NCDN: variants seen among roughly 807,000 people sequenced by gnomAD.
NCDN encodes neurochondrin.
NCDN carries 9 observed loss-of-function variants against 60.7 expected under a neutral mutation model. The observed-to-expected ratio is 0.15, with a 90% confidence interval of 0.09 to 0.26. NCDN has a LOEUF of 0.26. Among genes scored for constraint, NCDN ranks in the 10% least tolerant of loss-of-function variants. NCDN has a pLI of 1.00. For synonymous variants in NCDN, 409 were observed against 442.5 expected (o/e 0.92, Z 0.95); for missense variants, 578 against 975.2 (o/e 0.59, Z 5.42).
chr1:35,558,630 T>TG lies in NCDN; in HGVS notation c.33+411dup. ...TGAAGAAGGGAGGGGAAAGGAAGCC[T>TG]GGGGTGTCCTTTTCTCCCATGTCAG... On this transcript the variant is annotated intron_variant, in intron 1 of 6. Coordinates refer to ENST00000373243, the MANE Select transcript of NCDN (RefSeq NM_014284.3). The surrounding 1 kb of genome is among the most constrained non-coding windows in gnomAD (Gnocchi z 6.3). 4 of 1,160,214 alleles carry TG rather than the reference T, an allele frequency of 3.4e-6. No homozygotes were observed. Among genetic ancestry groups the TG allele is most frequent in the Non-Finnish European group, 4.3e-6 (4 of 936,904 alleles). 71.9% of individuals were successfully genotyped at this position (1,160,214 alleles called of 1,614,324 possible). A position where few individuals can be genotyped will look rare whatever the true frequency, so the allele number is the denominator to read the frequency against.
rs1648842071 is a variant in NCDN at position 35,565,497 on chromosome 1, G to C, written c.2024G>C (p.Ser675Thr). 1.3e-6 allele frequency: 2 copies of C among 1,590,364 alleles called. No individual in the cohort carries two copies. The highest frequency in any genetic ancestry group is 2.7e-5 in the African/African-American group (2 of 74,454). ...CTGCTCCAGCTGCTAGGCAGTGTCA[G>C]CCCCAACTCTGTCAAGCCCGAGATG... ...QELLQLLGSV[S>T]PNSVKPEMVA... is the part of the protein sequence containing the mutation. The change falls in exon 7 of 7, where the codon AGC (serine) becomes ACC (threonine). Residue 675 changes from serine (S) to threonine (T), a missense_variant. By Grantham distance (58) the Ser-to-Thr change is moderately conservative (BLOSUM62 1). Transcript: ENST00000373243. This position sits in a 1 kb window ranked among gnomAD's most constrained non-coding sequence, Gnocchi z 8.9.
chr1:35,565,050 GAA>G lies in NCDN; in HGVS notation c.1754-174_1754-173del. ...TTTTACAAGTAAAGAAACAGACCCA[GAA>G]AAGTTAATTACCCAAGGTCACACAG... is the stretch of plus-strand genomic sequence containing the variant. On this transcript the variant is annotated intron_variant, in intron 6 of 6. Coordinates refer to ENST00000373243, the MANE Select transcript of NCDN (RefSeq NM_014284.3). The surrounding 1 kb of genome is among the most constrained non-coding windows in gnomAD (Gnocchi z 8.9). 1 of 604,664 alleles carries G rather than the reference GAA, an allele frequency of 1.7e-6. No homozygotes were observed. The highest frequency in any genetic ancestry group is 2.2e-5 in the South Asian group (1 of 44,502). The allele number at this position is 604,664 out of a possible 1,614,324, so 37.5% of individuals were successfully genotyped here. A position where few individuals can be genotyped will look rare whatever the true frequency, so the allele number is the denominator to read the frequency against.
In NCDN at chr1:35,561,128, G is replaced by T; in HGVS notation, c.977G>T (p.Gly326Val). The part of the protein sequence containing the change: ...VEVRLALEET[G>V]TEVKEDVVTA... ...GTGCGGCTGGCACTGGAGGAGACGGGCACGGAGGTGAAAGAGGATGTGGTG... is the reference window on the plus strand; with the variant it reads ...GTGCGGCTGGCACTGGAGGAGACGGTCACGGAGGTGAAAGAGGATGTGGTG... The change falls in exon 3 of 7, where the codon GGC becomes GTC. Residue 326 changes from glycine (G) to valine (V), a missense_variant. This residue lies in a region of NCDN where 363 missense variants were observed against 583.6 expected (regional missense o/e 0.62). Transcript: ENST00000373243. The surrounding 1 kb of genome is among the most constrained non-coding windows in gnomAD (Gnocchi z 4.9). The T allele has an allele frequency of 2.5e-6, 4 of 1,612,562 alleles. No individual in the cohort carries two copies. In the South Asian group the frequency reaches 4.4e-5, roughly 18 times the overall value.
rs558835274 is a variant in NCDN at position 35,558,746 on chromosome 1, G to T, written c.34-361G>T. ...TCACTCCCTCTGTGTCCCTGTGGAG[G>T]GAGATAAAACCCAGCCTCCGGTGCC... On this transcript the variant is annotated intron_variant, in intron 1 of 6. Transcript: ENST00000373243. The surrounding 1 kb of genome is among the most constrained non-coding windows in gnomAD (Gnocchi z 6.3). The T allele has an allele frequency of 8.7e-7, 1 of 1,152,942 alleles. No homozygotes were observed. Among genetic ancestry groups the T allele is most frequent in the African/African-American group, 1.6e-5 (1 of 64,358 alleles). The allele number at this position is 1,152,942 out of a possible 1,614,324, so 71.4% of individuals were successfully genotyped here. A position where few individuals can be genotyped will look rare whatever the true frequency, so the allele number is the denominator to read the frequency against.
rs965970284 is a variant in NCDN, at chr1:35,560,403, C to T, written c.252C>T (p.Phe84=). 4.3e-6 allele frequency: 7 copies of T among 1,614,016 alleles called. No homozygotes were observed. Among genetic ancestry groups the T allele is most frequent in the Admixed American group, 1.7e-5 (1 of 60,032 alleles). The change falls in exon 3 of 7, where the codon TTC becomes TTT. Residue 84 remains phenylalanine (F), a synonymous_variant. Coordinates refer to ENST00000373243, the MANE Select transcript of NCDN (RefSeq NM_014284.3). This position sits in a 1 kb window ranked among gnomAD's most constrained non-coding sequence, Gnocchi z 7.6. ...RRIFDAVGFT[F]PNRLLTTKEA... Reference sequence around the variant, plus strand: ...TCTTCGATGCTGTCGGCTTCACCTTCCCCAATCGTCTCCTGACCACCAAGG... The same window carrying T: ...TCTTCGATGCTGTCGGCTTCACCTTTCCCAATCGTCTCCTGACCACCAAGG...
rs759244376 is a variant in NCDN at position 35,565,849 on chromosome 1, C to T, written c.*186C>T. On this transcript the variant is annotated 3_prime_UTR_variant, in exon 7 of 7. Coordinates refer to ENST00000373243, the MANE Select transcript of NCDN (RefSeq NM_014284.3). This position sits in a 1 kb window ranked among gnomAD's most constrained non-coding sequence, Gnocchi z 8.9. ...CTCAAGTGTAAGGAACTGCGTTCCG[C>T]CCCTCAGGCCCCCATGGGGGCAGGG... 2.6e-4 allele frequency: 165 copies of T among 638,916 alleles called. No individual in the cohort carries two copies. Among genetic ancestry groups the T allele is most frequent in the Middle Eastern group, 8.5e-4 (2 of 2,352 alleles). The allele number at this position is 638,916 out of a possible 1,614,324, so 39.6% of individuals were successfully genotyped here.
chr1:35,563,702 C>T lies in NCDN; in HGVS notation c.1611-65C>T. The T allele has an allele frequency of 3.8e-6, 6 of 1,578,954 alleles. No homozygotes were observed. The highest frequency in any genetic ancestry group is 2.3e-5 in the South Asian group (2 of 86,322). ...ATCACCCTACTGCCTAATTTCTTGC[C>T]AAGGGCTTGATTTGGCTGTACTAGA... On this transcript the variant is annotated intron_variant, in intron 5 of 6. Coordinates refer to ENST00000373243, the MANE Select transcript of NCDN (RefSeq NM_014284.3). This position sits in a 1 kb window ranked among gnomAD's most constrained non-coding sequence, Gnocchi z 6.6.
chr1:35,562,655 G>A lies in NCDN; in HGVS notation c.1385+22G>A. 1 of 1,601,336 alleles carries A rather than the reference G, an allele frequency of 6.2e-7. No individual in the cohort carries two copies. Among genetic ancestry groups the A allele is most frequent in the Non-Finnish European group, 8.5e-7 (1 of 1,171,982 alleles). On this transcript the variant is annotated intron_variant, in intron 4 of 6. Coordinates refer to ENST00000373243, the MANE Select transcript of NCDN (RefSeq NM_014284.3). This position sits in a 1 kb window ranked among gnomAD's most constrained non-coding sequence, Gnocchi z 6.8. ...TCCGGTGAGTCTGTAGTTACAGTCTGTCCAGCTAGATCATTCTACCGAAAA... is the reference window on the plus strand; with the variant it reads ...TCCGGTGAGTCTGTAGTTACAGTCTATCCAGCTAGATCATTCTACCGAAAA...
rs772018198 is a variant in NCDN at position 35,560,648 on chromosome 1, C to G, written c.497C>G (p.Pro166Arg). 6.2e-7 allele frequency: 1 copy of G among 1,613,504 alleles called. No individual in the cohort carries two copies. The highest frequency in any genetic ancestry group is 1.1e-5 in the South Asian group (1 of 91,084). The change falls in exon 3 of 7, where the codon CCC (proline) becomes CGC (arginine). Residue 166 changes from proline (P) to arginine (R), a missense_variant. Physicochemically the swap from Pro to Arg is moderately radical, Grantham distance 103. Coordinates refer to ENST00000373243, the MANE Select transcript of NCDN (RefSeq NM_014284.3). This position sits in a 1 kb window ranked among gnomAD's most constrained non-coding sequence, Gnocchi z 7.6. The stretch of plus-strand genomic sequence containing the variant: ...TGCCTGACGGCTGTAGCAGGCACAC[C>G]CAGAGGGCCTCGGCACCTCATTGCT... ...YQCLTAVAGT[P>R]RGPRHLIAGG...
intron 2 of NCDN, among the ~76,000 whole-genome samples, chr1:35,559,667 C>T (rs975865903): frequency 2.7e-5 from 4 of 148,992 alleles, no homozygotes; most frequent in African/African-American, 1.0e-4. Context: ...GGAATGGGAG[C>T]TAGTTTGGGG....
At position 35,565,198 on chromosome 1, in the gene NCDN, C is replaced by A; in HGVS notation, c.1754-29C>A. 1 of 1,574,846 alleles carries A rather than the reference C, an allele frequency of 6.3e-7. No homozygotes were observed. The highest frequency in any genetic ancestry group is 1.2e-5 in the South Asian group (1 of 85,164). ...GACACAGCAGCTGGCCTGTCCGATT[C>A]ATGCCCCACTCCTTCCGTTACCTTG... On this transcript the variant is annotated intron_variant, in intron 6 of 6. Transcript: ENST00000373243. The surrounding 1 kb of genome is among the most constrained non-coding windows in gnomAD (Gnocchi z 8.9).
chr1:35,559,760 T>C (rs1230391368), intron 2 of NCDN, among the ~76,000 whole-genome samples: 1 of 49,860 alleles, frequency 2.0e-5, no homozygotes, highest in Non-Finnish European at 4.1e-5. Flanking sequence ...GTGTGGGGGG[T>C]GAAGGGAGGA....
At position 35,565,651 on chromosome 1, in the gene NCDN, G is replaced by T. The variant is rs373685086; in HGVS notation, c.2178G>T (p.Leu726=). Residue 726 remains leucine, a synonymous_variant, in exon 7 of 7, where the codon CTG becomes CTT. Coordinates refer to ENST00000373243, the MANE Select transcript of NCDN (RefSeq NM_014284.3). This position sits in a 1 kb window ranked among gnomAD's most constrained non-coding sequence, Gnocchi z 8.9. ...GCATGGCTGCCTTGGAGCAGTGCCTGTCAGAGCCCTGAGGGGTGTCCACCG... is the reference window on the plus strand; with the variant it reads ...GCATGGCTGCCTTGGAGCAGTGCCTTTCAGAGCCCTGAGGGGTGTCCACCG... ...HYRMAALEQC[L]SEP is the part of the protein sequence containing the mutation. 3.2e-6 allele frequency: 5 copies of T among 1,552,634 alleles called. No individual in the cohort carries two copies. The highest frequency in any genetic ancestry group is 1.3e-5 in the African/African-American group (1 of 74,078).
rs1396850927 is a variant in NCDN, at chr1:35,565,675, C to A, written c.*12C>A. ...TGTCAGAGCCCTGAGGGGTGTCCACCGGGGACAGACCCAGGGGCGGGCAGA... is the reference window on the plus strand; with the variant it reads ...TGTCAGAGCCCTGAGGGGTGTCCACAGGGGACAGACCCAGGGGCGGGCAGA... On this transcript the variant is annotated 3_prime_UTR_variant, in exon 7 of 7. Transcript: ENST00000373243. This position sits in a 1 kb window ranked among gnomAD's most constrained non-coding sequence, Gnocchi z 8.9. 2.1e-5 allele frequency: 32 copies of A among 1,538,198 alleles called. No individual in the cohort carries two copies. Among genetic ancestry groups the A allele is most frequent in the African/African-American group, 6.8e-5 (5 of 73,442 alleles).
intron 1 of NCDN, 89 bp from the exon 2 acceptor site, chr1:35,559,018 C>A: frequency 3.6e-6 from 3 of 839,658 alleles, no homozygotes; most frequent in Non-Finnish European, 3.6e-6. Context: ...CTGTGCTAAT[C>A]CCTCCCTCCC....
Position 35,560,610 on chromosome 1 carries a change from T to G in NCDN, c.459T>G (p.Asp153Glu). The G allele has an allele frequency of 6.2e-7, 1 of 1,613,682 alleles. No homozygotes were observed. Among genetic ancestry groups the G allele is most frequent in the Non-Finnish European group, 8.5e-7 (1 of 1,180,038 alleles). ...ATGCTGCCCGCCGCTCCATGATTGA[T>G]GACACCTACCAGTGCCTGACGGCTG... is the stretch of plus-strand genomic sequence containing the variant. ...PDDAARRSMI[D>E]DTYQCLTAVA... is the part of the protein sequence containing the mutation. Residue 153 changes from aspartate to glutamate, a missense_variant, in exon 3 of 7, where the codon GAT (aspartate) becomes GAG (glutamate). This residue lies in a region of NCDN where 363 missense variants were observed against 583.6 expected (regional missense o/e 0.62). Transcript: ENST00000373243. This position sits in a 1 kb window ranked among gnomAD's most constrained non-coding sequence, Gnocchi z 7.6.
intron 6 of NCDN, among the ~76,000 whole-genome samples, chr1:35,564,818 C>T (rs1283545387): frequency 4.6e-5 from 7 of 152,148 alleles, no homozygotes; most frequent in African/African-American, 1.7e-4. Context: ...CTCTCTGGCG[C>T]CCTCTTCTGG....
rs374688556 is a variant in NCDN at position 35,563,185 on chromosome 1, C to T, written c.1386-17C>T. The T allele has an allele frequency of 1.1e-4, 178 of 1,606,314 alleles. No individual in the cohort carries two copies. The highest frequency in any genetic ancestry group is 1.5e-4 in the Non-Finnish European group (171 of 1,174,940). ...CTCTCCCAATCCCACACACGTCTGT[C>T]CCTTCCACATCCCCAGGCTCCTCCT... On this transcript the variant is annotated splice_polypyrimidine_tract_variant and intron_variant, in intron 4 of 6. Transcript: ENST00000373243. The surrounding 1 kb of genome is among the most constrained non-coding windows in gnomAD (Gnocchi z 6.6).
Position 35,566,595 on chromosome 1 carries a change from A to G in NCDN, c.*932A>G. 1 of 357,424 alleles carries G rather than the reference A, an allele frequency of 2.8e-6. No homozygotes were observed. The highest frequency in any genetic ancestry group is 5.6e-6 in the Non-Finnish European group (1 of 179,316). The allele number at this position is 357,424 out of a possible 1,614,324, so 22.1% of individuals were successfully genotyped here. A position where few individuals can be genotyped will look rare whatever the true frequency, so the allele number is the denominator to read the frequency against. On this transcript the variant is annotated 3_prime_UTR_variant, in exon 7 of 7. Transcript: ENST00000373243. This position sits in a 1 kb window ranked among gnomAD's most constrained non-coding sequence, Gnocchi z 5.3. ...CTGCAGAGACGCGACTGGCGGCTCC[A>G]GCAGGGACTACCTTTCTTATAAACC...
Sources: gnomAD v4.1 joint callset for allele counts (sites outside exome capture counted in the v4.1 genomes callset) on GRCh38, gnomAD v4.1.1 for gene constraint, gnomAD v4.1.1 regional missense constraint, Gnocchi (gnomAD v3.1) non-coding constraint, MANE v1.5 for transcripts, NCBI Gene and HGNC (gene_info 2026-07-23, HGNC 2026-07-21) for gene names.